The following CPNE4 variants were observed in gnomAD, a reference collection of about 807,000 sequenced individuals.
The protein encoded by CPNE4 is copine-4.
Under a neutral mutation model 67.9 loss-of-function variants are expected in CPNE4, and 25 were observed. The ratio of observed to expected loss-of-function variants is 0.37; its 90% confidence interval spans 0.27 to 0.51. The LOEUF is 0.51. Ranked by LOEUF, CPNE4 falls within the 20% of genes least tolerant of loss-of-function variation. CPNE4 has a pLI of 0.93. For missense variants in CPNE4, 464 were observed against 690.8 expected (o/e 0.67, Z 3.68); for synonymous variants, 242 against 244.9 (o/e 0.99, Z 0.11).
chr3:131,971,215 G>T (rs2072492668), intron 1 of CPNE4, among the ~76,000 whole-genome samples: 2 of 152,090 alleles, frequency 1.3e-5, no homozygotes, highest in African/African-American at 2.4e-5. Flanking sequence ...TTTCTTACAG[G>T]GTGGGTCAAA....
rs911063495 is a variant in CPNE4 at position 131,553,764 on chromosome 3, T to G, written c.1117-1273A>C. 2.6e-5 allele frequency among the ~76,000 whole-genome samples: 4 copies of G among 152,112 alleles called. No homozygotes were observed. In the South Asian group the frequency reaches 8.3e-4, roughly 31 times the overall value. ...AAAGAGAGGTGCTTGTGTTTCAGTTTCAATGCATACTTTCAGATTTTGTCC... is the reference window on the plus strand; with the variant it reads ...AAAGAGAGGTGCTTGTGTTTCAGTTGCAATGCATACTTTCAGATTTTGTCC... On this transcript the variant is annotated intron_variant, in intron 12 of 15. Transcript: ENST00000429747.
chr3:132,037,632 G>A (rs756250111), upstream of CPNE4: 101 of 1,535,230 alleles, frequency 6.6e-5, no homozygotes, highest in Non-Finnish European at 8.5e-5. Flanking sequence ...CTAAAGCCAA[G>A]CCACAAAGTC....
intron 7 of CPNE4, among the ~76,000 whole-genome samples, chr3:131,622,855 G>A (rs1023660958): frequency 5.9e-5 from 9 of 152,168 alleles, no homozygotes; most frequent in South Asian, 2.1e-4. Flanking sequence ...GGAGTTTGCC[G>A]CTGTCCGTGA....
At chr3:131,913,197 A>C (rs1306588703) in intron 1 of CPNE4, among the ~76,000 whole-genome samples, 5 of 152,134 alleles carry the variant, frequency 3.3e-5, no homozygotes, top group Non-Finnish European at 7.4e-5. Flanking sequence ...CTGTCTCTCT[A>C]AAATAATAAT....
chr3:131,546,684 C>A (rs1258783528), intron 14 of CPNE4, among the ~76,000 whole-genome samples: 1 of 152,122 alleles, frequency 6.6e-6, no homozygotes, highest in East Asian at 1.9e-4. Flanking sequence ...GAGTGATGGC[C>A]AAAAACTCAT....
intron 2 of CPNE4, among the ~76,000 whole-genome samples, chr3:131,896,329 G>T (rs769534686): frequency 6.6e-6 from 1 of 151,928 alleles, no homozygotes; most frequent in Non-Finnish European, 1.5e-5. Flanking sequence ...GCTTCACTCC[G>T]ATTACTATCA....
intron 2 of CPNE4, among the ~76,000 whole-genome samples, chr3:131,815,495 C>T (rs2084700976): frequency 6.6e-6 from 1 of 152,142 alleles, no homozygotes; most frequent in South Asian, 2.1e-4. Context: ...ACATTTAGAG[C>T]AATGGAAGTT....
intron 1 of CPNE4, among the ~76,000 whole-genome samples, chr3:132,000,984 A>C (rs866083788): frequency 5.9e-5 from 9 of 152,040 alleles, no homozygotes; most frequent in African/African-American, 2.2e-4. Flanking sequence ...AAATGTTAAG[A>C]AGCTTGCCTA....
intron 1 of CPNE4, among the ~76,000 whole-genome samples, chr3:131,958,456 C>T (rs2699849): frequency 0.52 from 78,352 of 151,600 alleles, 21,613 homozygotes; most frequent in Admixed American, 0.67. Flanking sequence ...GAAGCTGTTT[C>T]AGCAAGCTCC....
chr3:131,873,923 A>G (rs2087324979), intron 2 of CPNE4, among the ~76,000 whole-genome samples: 2 of 151,720 alleles, frequency 1.3e-5, no homozygotes, highest in Non-Finnish European at 2.9e-5. Context: ...AAAACTAGAT[A>G]ACCTTCCCCT....
intron 1 of CPNE4, among the ~76,000 whole-genome samples, chr3:131,916,958 G>T (rs182397315): frequency 6.6e-6 from 1 of 152,100 alleles, no homozygotes; most frequent in Non-Finnish European, 1.5e-5. Flanking sequence ...GACTGGATGC[G>T]GAAGTGCTCA....
chr3:131,898,475 A>G (rs2088422741), intron 2 of CPNE4, among the ~76,000 whole-genome samples: 1 of 152,166 alleles, frequency 6.6e-6, no homozygotes, highest in Admixed American at 6.6e-5. Context: ...TTCAGGGCAT[A>G]CAAAAGAATT....
intron 2 of CPNE4, among the ~76,000 whole-genome samples, chr3:131,757,051 C>T (rs111553941): frequency 0.28 from 43,300 of 152,038 alleles, 6,279 homozygotes; most frequent in Middle Eastern, 0.35. Context: ...TTTTTCTTCC[C>T]AGTCTCAGAT....
intron 3 of CPNE4, among the ~76,000 whole-genome samples, chr3:131,708,399 G>A (rs2081466742): frequency 6.6e-6 from 1 of 152,180 alleles, no homozygotes; most frequent in Admixed American, 6.5e-5. Context: ...TTAATATCTA[G>A]AGAATGCTGA....
intron 7 of CPNE4, among the ~76,000 whole-genome samples, chr3:131,635,775 A>G (rs2079363270): frequency 6.6e-6 from 1 of 152,114 alleles, no homozygotes; most frequent in African/African-American, 2.4e-5. Flanking sequence ...CTGCTTGCAT[A>G]GACAGTGCAG....
intron 2 of CPNE4, among the ~76,000 whole-genome samples, chr3:131,857,358 G>C (rs2086488850): frequency 6.6e-6 from 1 of 152,038 alleles, no homozygotes; most frequent in South Asian, 2.1e-4. Context: ...GTGGGTTCCT[G>C]CAGCAGTTTC....
At chr3:131,600,037 A>G (rs538621913) in intron 7 of CPNE4, among the ~76,000 whole-genome samples, 3 of 152,270 alleles carry the variant, frequency 2.0e-5, no homozygotes, top group East Asian at 1.9e-4. Context: ...CTATATCTCT[A>G]TGCAGTTGGG....
intron 11 of CPNE4, among the ~76,000 whole-genome samples, chr3:131,558,793 C>G (rs538544878): frequency 6.6e-6 from 1 of 151,686 alleles, no homozygotes; most frequent in African/African-American, 2.4e-5. Context: ...TTCTCTGAAG[C>G]AGAGGTCTTA....
intron 2 of CPNE4, among the ~76,000 whole-genome samples, chr3:131,872,895 T>G (rs1040584625): frequency 2.6e-5 from 4 of 152,240 alleles, no homozygotes; most frequent in African/African-American, 9.6e-5. Context: ...CTTCAAATTT[T>G]CTAGCAAAGA....
Sources: allele counts gnomAD v4.1 joint callset (sites outside exome capture counted in the v4.1 genomes callset), GRCh38; gene constraint gnomAD v4.1.1; transcripts MANE v1.5; gene names NCBI Gene and HGNC (gene_info 2026-07-23, HGNC 2026-07-21).